The following PIM3 variants were observed in gnomAD, a reference collection of about 807,000 sequenced individuals.
PIM3 encodes the protein Pim-3 proto-oncogene, serine/threonine kinase, also known as serine/threonine-protein kinase pim-3.
In PIM3, 13 loss-of-function variants were observed where a neutral mutation model predicts 27.5. That is an observed-to-expected ratio of 0.47 (90% CI 0.31 to 0.75). PIM3 has a LOEUF of 0.75. Ranked by LOEUF, PIM3 falls within the 30% of genes least tolerant of loss-of-function variation. PIM3 has a pLI of 0.05. For missense variants in PIM3, 482 were observed against 476.9 expected (o/e 1.01, Z -0.10); for synonymous variants, 341 against 221.1 (o/e 1.54, Z -4.81).
Position 49,961,727 on chromosome 22 carries a change from G to C in PIM3, c.532G>C (p.Val178Leu). 1.2e-6 allele frequency: 2 copies of C among 1,610,758 alleles called. No homozygotes were observed. Among genetic ancestry groups the C allele is most frequent in the South Asian group, 2.2e-5 (2 of 90,620 alleles). Residue 178 changes from valine (V) to leucine (L), a missense_variant, in exon 4 of 6, where the codon GTG becomes CTG. Physicochemically the swap from Val to Leu is conservative, Grantham distance 32. Coordinates refer to ENST00000360612, the MANE Select transcript of PIM3 (RefSeq NM_001001852.4). Reference sequence around the variant, plus strand: ...CGACATTAAGGACGAAAATCTGCTTGTGGACCTGCGCTCCGGAGAGCTCAA... The same window carrying C: ...CGACATTAAGGACGAAAATCTGCTTCTGGACCTGCGCTCCGGAGAGCTCAA... ...HRDIKDENLLVDLRSGELKLI... is the reference protein window; with the variant it reads ...HRDIKDENLLLDLRSGELKLI...
rs1362742264 is a variant in PIM3 at position 49,961,019 on chromosome 22, G to C, written c.72G>C (p.Lys24Asn). The change falls in exon 1 of 6, where the codon AAG (lysine) becomes AAC (asparagine). Residue 24 changes from lysine (K) to asparagine (N), a missense_variant. By Grantham distance (94) the Lys-to-Asn change is moderately conservative. Coordinates refer to ENST00000360612, the MANE Select transcript of PIM3 (RefSeq NM_001001852.4). ...GPGGVDHLPV[K>N]ILQPAKADKE... Reference sequence around the variant, plus strand: ...GCGGCGTGGACCACCTCCCGGTGAAGATCCTGCAGCCAGGTACGCGCGGGG... The same window carrying C: ...GCGGCGTGGACCACCTCCCGGTGAACATCCTGCAGCCAGGTACGCGCGGGG... 1 of 1,386,810 alleles carries C rather than the reference G, an allele frequency of 7.2e-7. No individual in the cohort carries two copies. The highest frequency in any genetic ancestry group is 1.5e-5 in the African/African-American group (1 of 66,922). The allele number at this position is 1,386,810 out of a possible 1,614,324, so 85.9% of individuals were successfully genotyped here.
rs1317098677 is a variant in PIM3, at chr22:49,963,332, C to G, written c.*205C>G. Reference sequence around the variant, plus strand: ...CAAGCTCTGTCTGTCCAAAGACGCTCCGGTCGAGGTCCCGCCTGCCCTGGG... The same window carrying G: ...CAAGCTCTGTCTGTCCAAAGACGCTGCGGTCGAGGTCCCGCCTGCCCTGGG... On this transcript the variant is annotated 3_prime_UTR_variant, in exon 6 of 6. Coordinates refer to ENST00000360612, the MANE Select transcript of PIM3 (RefSeq NM_001001852.4). 4 of 580,372 alleles carry G rather than the reference C, an allele frequency of 6.9e-6. No individual in the cohort carries two copies. The highest frequency in any genetic ancestry group is 1.2e-5 in the Non-Finnish European group (4 of 345,936). The allele number at this position is 580,372 out of a possible 1,614,324, so 36.0% of individuals were successfully genotyped here.
Position 49,962,828 on chromosome 22 carries a change from C to A in PIM3, c.756C>A (p.Leu252=). 6.2e-7 allele frequency: 1 copy of A among 1,611,556 alleles called. No homozygotes were observed. The highest frequency in any genetic ancestry group is 1.7e-4 in the Middle Eastern group (1 of 6,058). The change falls in exon 5 of 6, where the codon CTC becomes CTA. Residue 252 remains leucine, a synonymous_variant. Transcript: ENST00000360612. ...CCTTCGAGCAGGACGAGGAGATCCT[C>A]CGAGGCCGCCTGCTCTTCCGGAGGA... is the stretch of plus-strand genomic sequence containing the variant. ...DIPFEQDEEI[L]RGRLLFRRRV... is the part of the protein sequence containing the mutation.
In PIM3 at chr22:49,962,927, C is replaced by CCGCT; in HGVS notation, c.794-11_794-8dup. 6.3e-7 allele frequency: 1 copy of CCGCT among 1,599,378 alleles called. No individual in the cohort carries two copies. Reference sequence around the variant, plus strand: ...CCTGCTTGGGCCCTCCCTGACCTCTCCGCTCCGCACAGAGTGCCAGCAGCT... The same window carrying CCGCT: ...CCTGCTTGGGCCCTCCCTGACCTCTCCGCTCGCTCCGCACAGAGTGCCAGCAGCT... On this transcript the variant is annotated splice_polypyrimidine_tract_variant and intron_variant, in intron 5 of 5. Coordinates refer to ENST00000360612, the MANE Select transcript of PIM3 (RefSeq NM_001001852.4).
Position 49,962,816 on chromosome 22 carries a change from CGAG to C in PIM3, c.748_750del (p.Glu250del). 1 of 1,612,082 alleles carries C rather than the reference CGAG, an allele frequency of 6.2e-7. No individual in the cohort carries two copies. Among genetic ancestry groups the C allele is most frequent in the Non-Finnish European group, 8.5e-7 (1 of 1,179,914 alleles). ...GTGGGGACATCCCCTTCGAGCAGGA[CGAG>C]GAGATCCTCCGAGGCCGCCTGCTCT... On this transcript the variant is annotated inframe_deletion, in exon 5 of 6. Transcript: ENST00000360612.
intron 4 of PIM3, among the ~76,000 whole-genome samples, chr22:49,962,244 C>G (rs1293023161): frequency 6.6e-6 from 1 of 151,694 alleles, no homozygotes; most frequent in East Asian, 2.0e-4. Context: ...GGGGCGGGAG[C>G]TGCGTGCGTG....
Position 49,961,950 on chromosome 22 carries a change from A to C in PIM3, c.616+139A>C, listed in dbSNP as rs1181081411. 3 of 1,305,900 alleles carry C rather than the reference A, an allele frequency of 2.3e-6. No homozygotes were observed. In the African/African-American group the frequency reaches 4.5e-5, roughly 20 times the overall value. The allele number at this position is 1,305,900 out of a possible 1,614,324, so 80.9% of individuals were successfully genotyped here. ...CTGCTCTCGTGGGGAGCAGAGGCCC[A>C]CGCGCTACCCTGGGGAGGGCTGAGC... On this transcript the variant is annotated intron_variant, in intron 4 of 5. Coordinates refer to ENST00000360612, the MANE Select transcript of PIM3 (RefSeq NM_001001852.4).
chr22:49,962,529 C>A (rs2060913875), intron 4 of PIM3, among the ~76,000 whole-genome samples, 160 bp from the exon 5 acceptor site: 1 of 152,124 alleles, frequency 6.6e-6, no homozygotes, highest in Admixed American at 6.5e-5. Flanking sequence ...CCAGCCCCCC[C>A]ATCGCCTGCC....
chr22:49,963,340 G>T lies in PIM3; in HGVS notation c.*213G>T, dbSNP rs1327835701. On this transcript the variant is annotated 3_prime_UTR_variant, in exon 6 of 6. Transcript: ENST00000360612. ...GTCTGTCCAAAGACGCTCCGGTCGA[G>T]GTCCCGCCTGCCCTGGGTGGATACT... 13 of 555,788 alleles carry T rather than the reference G, an allele frequency of 2.3e-5. No individual in the cohort carries two copies. The highest frequency in any genetic ancestry group is 3.9e-5 in the African/African-American group (2 of 51,714). 34.4% of individuals were successfully genotyped at this position (555,788 alleles called of 1,614,324 possible).
chr22:49,962,716 G>C lies in PIM3; in HGVS notation c.644G>C (p.Trp215Ser). 1 of 1,612,318 alleles carries C rather than the reference G, an allele frequency of 6.2e-7. No individual in the cohort carries two copies. Among genetic ancestry groups the C allele is most frequent in the Non-Finnish European group, 8.5e-7 (1 of 1,179,768 alleles). Residue 215 changes from tryptophan to serine, a missense_variant, in exon 5 of 6, where the codon TGG becomes TCG. Physicochemically the swap from Trp to Ser is radical, Grantham distance 177. Transcript: ENST00000360612. ...ACCCGAGTGTACAGCCCCCCGGAGT[G>C]GATCCGCTACCACCGCTACCACGGG... ...DGTRVYSPPE[W>S]IRYHRYHGRS...
chr22:49,962,614 A>T (rs939823019), intron 4 of PIM3, 75 bp from the exon 5 acceptor site: 4 of 1,492,704 alleles, frequency 2.7e-6, no homozygotes, highest in Non-Finnish European at 3.6e-6. Flanking sequence ...CCAGGGAGTT[A>T]ACCAGCAGGG....
Position 49,961,155 on chromosome 22 carries a change from C to T in PIM3, c.116C>T (p.Ala39Val), listed in dbSNP as rs1333298249. 1.3e-6 allele frequency: 2 copies of T among 1,527,132 alleles called. No homozygotes were observed. Among genetic ancestry groups the T allele is most frequent in the Non-Finnish European group, 1.8e-6 (2 of 1,140,612 alleles). 94.6% of individuals were successfully genotyped at this position (1,527,132 alleles called of 1,614,324 possible). The change falls in exon 2 of 6, where the codon GCG (alanine) becomes GTG (valine). Residue 39 changes from alanine (A) to valine (V), a missense_variant. Transcript: ENST00000360612. ...GCGGACAAGGAGAGCTTCGAGAAGG[C>T]GTACCAGGTGGGCGCCGTGCTGGGT... ...AKADKESFEK[A>V]YQVGAVLGSG...
Position 49,963,499 on chromosome 22 carries a change from G to T in PIM3, c.*372G>T. ...CCTCAGTCCTGCGGTGTGCGTCTGG[G>T]CACGTCCTGCACACACAATGCAAGT... On this transcript the variant is annotated 3_prime_UTR_variant, in exon 6 of 6. Transcript: ENST00000360612. The T allele has an allele frequency of 1.1e-5, 2 of 187,406 alleles. No homozygotes were observed. Among genetic ancestry groups the T allele is most frequent in the Non-Finnish European group, 2.2e-5 (2 of 90,176 alleles). 11.6% of individuals were successfully genotyped at this position (187,406 alleles called of 1,614,324 possible).
At position 49,961,727 on chromosome 22, in the gene PIM3, G is replaced by A. The variant is rs1337926925; in HGVS notation, c.532G>A (p.Val178Met). 1.2e-6 allele frequency: 2 copies of A among 1,610,758 alleles called. No individual in the cohort carries two copies. The highest frequency in any genetic ancestry group is 1.7e-6 in the Non-Finnish European group (2 of 1,179,086). ...HRDIKDENLL[V>M]DLRSGELKLI... ...CGACATTAAGGACGAAAATCTGCTT[G>A]TGGACCTGCGCTCCGGAGAGCTCAA... Residue 178 changes from valine (V) to methionine (M), a missense_variant, in exon 4 of 6, where the codon GTG becomes ATG. Coordinates refer to ENST00000360612, the MANE Select transcript of PIM3 (RefSeq NM_001001852.4).
chr22:49,963,375 G>A lies in PIM3; in HGVS notation c.*248G>A, dbSNP rs1176904738. The A allele has an allele frequency of 2.1e-6, 1 of 476,162 alleles. No individual in the cohort carries two copies. Among genetic ancestry groups the A allele is most frequent in the Non-Finnish European group, 3.7e-6 (1 of 266,860 alleles). The allele number at this position is 476,162 out of a possible 1,614,324, so 29.5% of individuals were successfully genotyped here. A position where few individuals can be genotyped will look rare whatever the true frequency, so the allele number is the denominator to read the frequency against. ...GCCCTGGGTGGATACTTGAACCCCAGACGCCCCTCTGTGCTGCTGTGTCCG... is the reference window on the plus strand; with the variant it reads ...GCCCTGGGTGGATACTTGAACCCCAAACGCCCCTCTGTGCTGCTGTGTCCG... On this transcript the variant is annotated 3_prime_UTR_variant, in exon 6 of 6. Coordinates refer to ENST00000360612, the MANE Select transcript of PIM3 (RefSeq NM_001001852.4).
In PIM3 at chr22:49,962,725, A is replaced by T; in HGVS notation, c.653A>T (p.Tyr218Phe). Residue 218 changes from tyrosine to phenylalanine, a missense_variant, in exon 5 of 6, where the codon TAC (tyrosine) becomes TTC (phenylalanine). Coordinates refer to ENST00000360612, the MANE Select transcript of PIM3 (RefSeq NM_001001852.4). The part of the protein sequence containing the change: ...RVYSPPEWIR[Y>F]HRYHGRSATV... ...TACAGCCCCCCGGAGTGGATCCGCT[A>T]CCACCGCTACCACGGGCGCTCGGCC... 7 of 1,612,434 alleles carry T rather than the reference A, an allele frequency of 4.3e-6. No individual in the cohort carries two copies. Among genetic ancestry groups the T allele is most frequent in the Non-Finnish European group, 5.9e-6 (7 of 1,179,844 alleles).
At chr22:49,961,281 C>A in intron 2 of PIM3, 37 bp from the exon 3 acceptor site, 28 of 1,540,374 alleles carry the variant, frequency 1.8e-5, no homozygotes, top group Non-Finnish European at 2.4e-5. Flanking sequence ...GCGCCTTGCG[C>A]CTCGCTTGGC....
chr22:49,961,055 C>T, intron 1 of PIM3, 23 bp downstream of exon 1: 3 of 1,336,760 alleles, frequency 2.2e-6, no homozygotes, highest in Non-Finnish European at 2.9e-6. Context: ...CCGGCGGGGC[C>T]GGGGCCGGGG....
rs768853040 is a variant in PIM3 at position 49,963,173 on chromosome 22, G to C, written c.*46G>C. The C allele has an allele frequency of 1.7e-5, 25 of 1,486,184 alleles. No homozygotes were observed. Among genetic ancestry groups the C allele is most frequent in the Non-Finnish European group, 2.2e-5 (24 of 1,112,406 alleles). The allele number at this position is 1,486,184 out of a possible 1,614,324, so 92.1% of individuals were successfully genotyped here. A position where few individuals can be genotyped will look rare whatever the true frequency, so the allele number is the denominator to read the frequency against. ...GCTAGGGGACCACCTGCCTTGGCCA[G>C]ACCTGGGACGCCCCCAGACCCTGAC... On this transcript the variant is annotated 3_prime_UTR_variant, in exon 6 of 6. Transcript: ENST00000360612.
Sources: gnomAD v4.1 joint callset for allele counts (sites outside exome capture counted in the v4.1 genomes callset) on GRCh38, gnomAD v4.1.1 for gene constraint, MANE v1.5 for transcripts, NCBI Gene and HGNC (gene_info 2026-07-23, HGNC 2026-07-21) for gene names.